TAL1: variants seen among roughly 807,000 people sequenced by gnomAD.
The protein encoded by TAL1 is T-cell acute lymphocytic leukemia protein 1.
A neutral mutation model predicts 17.9 loss-of-function variants in TAL1; 8 were observed. The observed-to-expected ratio is 0.45, with a 90% CI of 0.26 to 0.81. The LOEUF (loss-of-function observed/expected upper bound fraction) is 0.81, where lower values mean the gene tolerates loss of function less well. TAL1 is among the 30% of genes least tolerant of loss of function. The probability of loss-of-function intolerance (pLI) is 0.17; values close to 1 mark genes in which losing one functional copy is unlikely to be tolerated. For missense variants in TAL1, 466 were observed against 486.9 expected, an observed-to-expected ratio of 0.96 and a Z score of 0.40; for synonymous variants, 223 against 218.6, an observed-to-expected ratio of 1.02 and a Z score of -0.18.
At chr1:47,219,087 C>T (rs929536999) in exon 4 of TAL1, 12 of 333,400 alleles carry the variant, frequency 3.6e-5, no homozygotes, top group Non-Finnish European at 5.6e-5. Flanking sequence ...GAAGTAAGGG[C>T]GACTGGGTTT....
intron 3 of TAL1, among the ~76,000 whole-genome samples, chr1:47,220,987 G>A (rs1178012971): frequency 6.6e-6 from 1 of 152,226 alleles, no homozygotes; most frequent in Non-Finnish European, 1.5e-5. Flanking sequence ...GAAGGGGAGA[G>A]GAAGAAGAGT....
chr1:47,221,346 C>T (rs1643801792), intron 3 of TAL1, among the ~76,000 whole-genome samples: 6 of 152,342 alleles, frequency 3.9e-5, no homozygotes, highest in Non-Finnish European at 8.8e-5. Flanking sequence ...TGTCTACAAT[C>T]CACTGACTAT....
rs555769229 is a variant in TAL1 at position 47,225,578 on chromosome 1, G to A, written c.311C>T (p.Ala104Val). The change falls in exon 2 of 4, where the codon GCG (alanine) becomes GTG (valine). Residue 104 changes from alanine to valine, a missense_variant. By Grantham distance (64) the Ala-to-Val change is moderately conservative (BLOSUM62 0). Around this residue, in one of 5 missense-constraint regions of TAL1, gnomAD observed 158 missense variants for 151.7 expected, o/e 1.04. Transcript: ENST00000294339. ...CAGCTCCGCTGTAACCGAGGCGGGCGCGGGGGCCGGGGCGGGCCCGGGAGG... is the reference window on the plus strand; with the variant it reads ...CAGCTCCGCTGTAACCGAGGCGGGCACGGGGGCCGGGGCGGGCCCGGGAGG... 2.8e-4 allele frequency: 354 copies of A among 1,284,062 alleles called. 2 individuals carry two copies. In the African/African-American group the frequency reaches 5.1e-3, roughly 18 times the overall value. The allele number at this position is 1,284,062 out of a possible 1,614,324, so 79.5% of individuals were successfully genotyped here.
intron 3 of TAL1, among the ~76,000 whole-genome samples, chr1:47,222,450 G>A (rs748261430): frequency 1.3e-5 from 2 of 152,106 alleles, no homozygotes; most frequent in Non-Finnish European, 2.9e-5. Flanking sequence ...CAGAAATCAA[G>A]CACACATAGT....
At chr1:47,217,278 C>A in exon 4 of TAL1, 1 of 369,124 alleles carries the variant, frequency 2.7e-6, no homozygotes, top group Non-Finnish European at 4.8e-6. Flanking sequence ...GTCCTCCCTA[C>A]TCGGGAGGCT....
chr1:47,230,876 AC>A (rs1644000079), upstream of TAL1: 1 of 152,176 alleles, frequency 6.6e-6, no homozygotes, highest in African/African-American at 2.4e-5. Flanking sequence ...CTCGGATGCG[AC>A]GGGTATCAGA....
intron 3 of TAL1, among the ~76,000 whole-genome samples, chr1:47,220,797 A>G (rs1403309480): frequency 6.6e-6 from 1 of 152,234 alleles, no homozygotes; most frequent in Non-Finnish European, 1.5e-5. Context: ...TGTGCTAGGC[A>G]CTGAGGAATA....
chr1:47,218,781 C>G, exon 4 of TAL1: 1 of 233,646 alleles, frequency 4.3e-6, no homozygotes, highest in Non-Finnish European at 8.5e-6. Context: ...GCAAAGAAAT[C>G]CCTCTAAGCA....
chr1:47,219,894 G>GGCGGCCCCCCCCCCC, exon 4 of TAL1: 1 of 1,556,022 alleles, frequency 6.4e-7, no homozygotes, highest in Non-Finnish European at 8.7e-7. Context: ...CTGGGGGCGC[G>GGCGGCCCCCCCCCCC]CCGCCCCCTC....
exon 4 of TAL1, chr1:47,217,387 T>TCACACACA (rs143131127): frequency 5.7e-6 from 2 of 353,236 alleles, no homozygotes; most frequent in Admixed American, 4.8e-5. Context: ...ACACCGTCTC[T>TCACACACA]CACACACACA....
chr1:47,231,418 T>C (rs898421515), upstream of TAL1, among the ~76,000 whole-genome samples: 9 of 139,042 alleles, frequency 6.5e-5, no homozygotes, highest in Non-Finnish European at 9.2e-5. Flanking sequence ...GGCATACAAC[T>C]CAGTGCGGAC....
chr1:47,225,960 G>A, intron 1 of TAL1, 71 bp from the exon 3 acceptor site: 1 of 1,480,822 alleles, frequency 6.8e-7, no homozygotes, highest in South Asian at 1.3e-5. Context: ...CGTGGGCTGG[G>A]GTAAAGGGGA....
chr1:47,225,915 G>T, intron 1 of TAL1, 26 bp from the exon 3 acceptor site: 2 of 1,564,524 alleles, frequency 1.3e-6, no homozygotes, highest in Non-Finnish European at 1.7e-6. Context: ...CAGACAAGCG[G>T]ATGCCCGCTC....
upstream of TAL1, chr1:47,230,021 A>G (rs1159086375): frequency 6.6e-6 from 1 of 152,276 alleles, no homozygotes; most frequent in African/African-American, 2.4e-5. Flanking sequence ...ATTAAGAGAA[A>G]GAAGAAAGAG....
At chr1:47,219,903 TCCCCCACCTCCA>T (rs980396123) in exon 4 of TAL1, 6 of 467,212 alleles carry the variant, frequency 1.3e-5, no homozygotes, top group Non-Finnish European at 2.1e-5. Context: ...CGCCGCCCCC[TCCCCCACCTCCA>T]CCCCCACCAG....
At chr1:47,223,972 G>C (rs1334811204) in intron 3 of TAL1, 32 bp downstream of exon 4, 2 of 1,594,698 alleles carry the variant, frequency 1.3e-6, no homozygotes, top group South Asian at 2.2e-5. Context: ...AGCGTGAGGG[G>C]CAGGTACAAC....
chr1:47,223,822 C>T (rs1243840611), intron 3 of TAL1, among the ~76,000 whole-genome samples, 182 bp downstream of exon 4: 5 of 152,164 alleles, frequency 3.3e-5, no homozygotes, highest in African/African-American at 1.2e-4. Context: ...CCTGCTAGCC[C>T]CATCCAGGAC....
At chr1:47,225,833 C>G (rs1643901118) in exon 2 of TAL1, 6 of 1,583,538 alleles carry the variant, frequency 3.8e-6, no homozygotes, top group East Asian at 2.4e-5. Context: ...GGCCGCGTCC[C>G]GTCCCTCTAG....
chr1:47,217,158 T>C (rs957841140), exon 4 of TAL1: 19 of 242,738 alleles, frequency 7.8e-5, no homozygotes, highest in Admixed American at 1.7e-4. Context: ...GGCAGGAGAA[T>C]TGCCTGAAGC....
Sources: gnomAD v4.1 joint callset for allele counts (sites outside exome capture counted in the v4.1 genomes callset) on GRCh38, gnomAD v4.1.1 for gene constraint, gnomAD v4.1.1 regional missense constraint, MANE v1.5 for transcripts, NCBI Gene and HGNC (gene_info 2026-07-23, HGNC 2026-07-21) for gene names.